TRPC4AP: variants seen among roughly 807,000 people sequenced by gnomAD.
The protein encoded by TRPC4AP is transient receptor potential cation channel subfamily C member 4 associated protein, also known as short transient receptor potential channel 4-associated protein.
A neutral mutation model predicts 99.0 loss-of-function variants in TRPC4AP; 45 were observed. The ratio of observed to expected loss-of-function variants is 0.45; its 90% CI spans 0.36 to 0.58. The LOEUF is 0.58. TRPC4AP is among the 20% of genes least tolerant of loss of function. TRPC4AP has a pLI of 0.00. For synonymous variants in TRPC4AP, 408 were observed against 385.8 expected, an observed-to-expected ratio of 1.06 and a Z score of -0.67; for missense variants, 879 against 985.3, an observed-to-expected ratio of 0.89 and a Z score of 1.44.
At chr20:35,023,039 AAG>A (rs1022073318) in intron 8 of TRPC4AP, among the ~76,000 whole-genome samples, 1 of 151,686 alleles carries the variant, frequency 6.6e-6, no homozygotes. Context: ...AAAAAAAAAA[AAG>A]AGAGAATCTA....
At chr20:35,034,581 G>C (rs1001746986) in intron 8 of TRPC4AP, among the ~76,000 whole-genome samples, 3 of 152,072 alleles carry the variant, frequency 2.0e-5, no homozygotes, top group Non-Finnish European at 4.4e-5. Context: ...TTCCTTGTTT[G>C]GGAGCTGAGA....
intron 9 of TRPC4AP, 124 bp from the exon 10 acceptor site, chr20:35,016,263 C>T: frequency 8.5e-7 from 1 of 1,178,518 alleles, no homozygotes; most frequent in Non-Finnish European, 1.2e-6. Flanking sequence ...GTAAGGAGGG[C>T]CAGGGTCTGA....
At chr20:35,084,494 A>C (rs201920327) in intron 1 of TRPC4AP, among the ~76,000 whole-genome samples, 1 of 56,654 alleles carries the variant, frequency 1.8e-5, no homozygotes, top group Non-Finnish European at 4.7e-5. Context: ...ATATGTATAT[A>C]TCTATATATG....
At chr20:35,009,477 A>AC (rs2147269802) in intron 12 of TRPC4AP, among the ~76,000 whole-genome samples, 1 of 123,534 alleles carries the variant, frequency 8.1e-6, no homozygotes, top group South Asian at 2.4e-4. Context: ...CCCCATCTCT[A>AC]CAAAAAAAAA....
At chr20:35,047,983 T>C (rs201487624) in intron 6 of TRPC4AP, among the ~76,000 whole-genome samples, 2 of 152,180 alleles carry the variant, frequency 1.3e-5, no homozygotes, top group African/African-American at 4.8e-5. Context: ...GATAAACATT[T>C]ATCAGTAGTA....
Position 35,021,246 on chromosome 20 carries a change from T to C in TRPC4AP, c.1162A>G (p.Lys388Glu). The change falls in exon 9 of 19, where the codon AAA becomes GAA. Residue 388 changes from lysine (K) to glutamate (E), a missense_variant. Coordinates refer to ENST00000252015, the MANE Select transcript of TRPC4AP (RefSeq NM_015638.3). ...CAGAGGACATAGAGCACTTCCAGTTTGTACATGATCTCATGCATAATCTTC... is the reference window on the plus strand; with the variant it reads ...CAGAGGACATAGAGCACTTCCAGTTCGTACATGATCTCATGCATAATCTTC... The part of the protein sequence containing the change: ...SMKIMHEIMY[K>E]LEVLYVLCVL... 6.2e-7 allele frequency: 1 copy of C among 1,614,102 alleles called. No homozygotes were observed. The highest frequency in any genetic ancestry group is 8.5e-7 in the Non-Finnish European group (1 of 1,180,024).
intron 16 of TRPC4AP, among the ~76,000 whole-genome samples, chr20:35,004,853 G>A (rs1329365301): frequency 1.3e-5 from 2 of 152,174 alleles, no homozygotes; most frequent in Non-Finnish European, 2.9e-5. Flanking sequence ...CCAGACCCGT[G>A]CCCTCCATAT....
Position 35,078,269 on chromosome 20 carries a change from G to C in TRPC4AP, c.169-95C>G, listed in dbSNP as rs1347423553. The C allele has an allele frequency of 2.2e-6, 3 of 1,347,852 alleles. No homozygotes were observed. In the African/African-American group the frequency reaches 4.4e-5, roughly 20 times the overall value. The allele number at this position is 1,347,852 out of a possible 1,614,324, so 83.5% of individuals were successfully genotyped here. A position where few individuals can be genotyped will look rare whatever the true frequency, so the allele number is the denominator to read the frequency against. ...GCAGCCGACTTCCAAACCCACCCAG[G>C]ACAGTTACAAATTTATCTCTAAGCA... On this transcript the variant is annotated intron_variant, in intron 1 of 18. Coordinates refer to ENST00000252015, the MANE Select transcript of TRPC4AP (RefSeq NM_015638.3).
intron 1 of TRPC4AP, among the ~76,000 whole-genome samples, chr20:35,079,621 T>C (rs78202808): frequency 0.14 from 21,138 of 152,070 alleles, 1,843 homozygotes; most frequent in African/African-American, 0.25. Context: ...ATACGATTGA[T>C]AAACTCTAAC....
intron 2 of TRPC4AP, among the ~76,000 whole-genome samples, chr20:35,074,116 A>T (rs199856335): frequency 6.6e-6 from 1 of 152,092 alleles, no homozygotes; most frequent in Non-Finnish European, 1.5e-5. Flanking sequence ...GATTGGTGGT[A>T]ATATCCCCTT....
In TRPC4AP at chr20:35,003,556, G is replaced by C. The variant is rs958962560; in HGVS notation, c.2110C>G (p.Arg704Gly). ...VILMLARRKERLPLYLRLLQR... is the reference protein window; with the variant it reads ...VILMLARRKEGLPLYLRLLQR... ...AGCAGCCGCAGGTACAGGGGCAGCC[G>C]CTCTTTCCGTCGGGCCAGCATCAGG... The change falls in exon 18 of 19, where the codon CGG becomes GGG. Residue 704 changes from arginine to glycine, a missense_variant. By Grantham distance (125) the Arg-to-Gly change is moderately radical. Around this residue, in one of 3 missense-constraint regions of TRPC4AP, gnomAD observed 224 missense variants for 264.7 expected, o/e 0.85. Coordinates refer to ENST00000252015, the MANE Select transcript of TRPC4AP (RefSeq NM_015638.3). 1 of 1,613,942 alleles carries C rather than the reference G, an allele frequency of 6.2e-7. No individual in the cohort carries two copies. The highest frequency in any genetic ancestry group is 8.5e-7 in the Non-Finnish European group (1 of 1,179,918).
rs1344592409 is a variant in TRPC4AP at position 35,024,836 on chromosome 20, A to AC, written c.1052-3481_1052-3480insG. 8.1e-3 allele frequency among the ~76,000 whole-genome samples: 580 copies of AC among 71,538 alleles called. 37 individuals are homozygous for AC. The highest frequency in any genetic ancestry group is 0.021 in the African/African-American group (476 of 22,636). The allele number at this position is 71,538 out of a possible 152,430, so 46.9% of individuals were successfully genotyped here. A position where few individuals can be genotyped will look rare whatever the true frequency, so the allele number is the denominator to read the frequency against. ...GAGAGAGACCGTCTCAAAAAAAAAAAAAAAAAAAAAAAAAAAAAATTCTGT... is the reference window on the plus strand; with the variant it reads ...GAGAGAGACCGTCTCAAAAAAAAAAACAAAAAAAAAAAAAAAAAAATTCTGT... On this transcript the variant is annotated intron_variant, in intron 8 of 18. Transcript: ENST00000252015.
At chr20:35,080,358 G>A (rs537122824) in intron 1 of TRPC4AP, among the ~76,000 whole-genome samples, 3 of 151,794 alleles carry the variant, frequency 2.0e-5, no homozygotes, top group South Asian at 2.1e-4. Context: ...AAAATTAGCC[G>A]GATGTAGTGG....
At chr20:35,030,893 CTGTCTG>C (rs1188894518) in intron 8 of TRPC4AP, among the ~76,000 whole-genome samples, 3 of 152,218 alleles carry the variant, frequency 2.0e-5, no homozygotes, top group African/African-American at 7.2e-5. Context: ...AGTCAAATTA[CTGTCTG>C]AAGTCACCTG....
intron 11 of TRPC4AP, among the ~76,000 whole-genome samples, chr20:35,011,793 C>T (rs2082643800): frequency 1.3e-5 from 2 of 152,230 alleles, no homozygotes; most frequent in African/African-American, 4.8e-5. Context: ...TCACTACAAG[C>T]TGACACTTCA....
chr20:35,012,887 C>T (rs2082669319), intron 11 of TRPC4AP, 121 bp downstream of exon 11: 2 of 938,944 alleles, frequency 2.1e-6, no homozygotes, highest in African/African-American at 3.3e-5. Context: ...ACTGAGGGGA[C>T]AGTGGGCTTC....
intron 5 of TRPC4AP, among the ~76,000 whole-genome samples, chr20:35,051,333 C>G (rs1190759374): frequency 1.3e-5 from 2 of 152,156 alleles, no homozygotes; most frequent in African/African-American, 4.8e-5. Flanking sequence ...GGGTCTCACT[C>G]TGTTGCCCAG....
chr20:35,069,305 T>C lies in TRPC4AP; in HGVS notation c.405A>G (p.Gly135=). The change falls in exon 3 of 19, where the codon GGA becomes GGG. Residue 135 remains glycine (G), a synonymous_variant. Coordinates refer to ENST00000252015, the MANE Select transcript of TRPC4AP (RefSeq NM_015638.3). ...ATAAATAGCTACTTACATCAACACC[T>C]CCAAACAAGTCAAAAATGTAAGTAT... ...YPNTYIFDLF[G]GVDLLVEILM... 6.3e-7 allele frequency: 1 copy of C among 1,593,472 alleles called. No homozygotes were observed. Among genetic ancestry groups the C allele is most frequent in the Non-Finnish European group, 8.6e-7 (1 of 1,162,092 alleles).
At position 35,019,603 on chromosome 20, in the gene TRPC4AP, G is replaced by A. The variant is rs1033888358; in HGVS notation, c.1218+1587C>T. Among the ~76,000 whole-genome samples, 5 of 152,032 alleles carry A rather than the reference G, an allele frequency of 3.3e-5. No individual in the cohort carries two copies. In the East Asian group the frequency reaches 7.7e-4, roughly 23 times the overall value. ...ATTCAAACAACTGTGAAAGTGCCTC[G>A]AAAAAGTAATAGCACTCAATGCACA... On this transcript the variant is annotated intron_variant, in intron 9 of 18. Transcript: ENST00000252015.
Sources: gnomAD v4.1 joint callset for allele counts (sites outside exome capture counted in the v4.1 genomes callset) on GRCh38, gnomAD v4.1.1 for gene constraint, gnomAD v4.1.1 regional missense constraint, MANE v1.5 for transcripts, NCBI Gene and HGNC (gene_info 2026-07-23, HGNC 2026-07-21) for gene names.